Variants in LIPE observed in about 807,000 individuals in gnomAD.
The protein encoded by LIPE is hormone-sensitive lipase.
LIPE carries 66 observed loss-of-function variants against 88.5 expected under a neutral mutation model. The ratio of observed to expected loss-of-function variants is 0.75; its 90% CI spans 0.61 to 0.91. The LOEUF is 0.91. LIPE is among the 40% of genes least tolerant of loss of function. The probability of loss-of-function intolerance (pLI) is 0.00; values close to 1 mark genes in which losing one functional copy is unlikely to be tolerated. For synonymous variants in LIPE, 570 were observed against 617.5 expected (o/e 0.92, Z 1.14); for missense variants, 1,346 against 1,434.7 (o/e 0.94, Z 1.00).
At position 42,427,266 on chromosome 19, in the gene LIPE, G is replaced by T; in HGVS notation, c.-117C>A. The T allele has an allele frequency of 2.1e-6, 3 of 1,440,274 alleles. No individual in the cohort carries two copies. The highest frequency in any genetic ancestry group is 2.7e-6 in the Non-Finnish European group (3 of 1,101,982). 89.2% of individuals were successfully genotyped at this position (1,440,274 alleles called of 1,614,324 possible). A position where few individuals can be genotyped will look rare whatever the true frequency, so the allele number is the denominator to read the frequency against. ...TCCTCATGATGGCACTTCCTCTTGGGTTTCACTCCATCCTAGCATCACTGG... is the reference window on the plus strand; with the variant it reads ...TCCTCATGATGGCACTTCCTCTTGGTTTTCACTCCATCCTAGCATCACTGG... On this transcript the variant is annotated 5_prime_UTR_variant, in exon 1 of 10. Transcript: ENST00000244289.
rs569885117 is a variant in LIPE, at chr19:42,415,865, G to A, written c.884-5023C>T. Among the ~76,000 whole-genome samples the A allele has an allele frequency of 5.1e-4, 77 of 151,320 alleles. 1 individual carries two copies. The highest frequency in any genetic ancestry group is 1.8e-3 in the African/African-American group (75 of 41,264). On this transcript the variant is annotated intron_variant, in intron 1 of 9. Coordinates refer to ENST00000244289, the MANE Select transcript of LIPE (RefSeq NM_005357.4). ...TTGTGGATATGGAGAAAGTCTGAAC[G>A]GTCTGGATAGAAGGTCAAACCAGCC...
intron 1 of LIPE, chr19:42,411,432 G>A (rs2040372468): frequency 5.0e-6 from 3 of 602,846 alleles, no homozygotes; most frequent in Non-Finnish European, 6.2e-6. Context: ...CCAGGAGTCC[G>A]GGTCCCCCAT....
rs1194311142 is a variant in LIPE, at chr19:42,408,180, G to A, written c.1510+52C>T. 1.2e-6 allele frequency: 2 copies of A among 1,613,674 alleles called. No individual in the cohort carries two copies. The highest frequency in any genetic ancestry group is 2.2e-5 in the East Asian group (1 of 44,872). The stretch of plus-strand genomic sequence containing the variant: ...TGGGTCAGGCTGCTTGGGCAGGAGT[G>A]GGGAGGAGGGCCAAGAGAGTAGGCT... On this transcript the variant is annotated intron_variant, in intron 3 of 9. Coordinates refer to ENST00000244289, the MANE Select transcript of LIPE (RefSeq NM_005357.4). The surrounding 1 kb of genome is among the most constrained non-coding windows in gnomAD (Gnocchi z 4.3).
chr19:42,412,744 A>C (rs1019078542), intron 1 of LIPE, among the ~76,000 whole-genome samples: 1 of 151,730 alleles, frequency 6.6e-6, no homozygotes, highest in African/African-American at 2.4e-5. Context: ...GTCCCCTCTC[A>C]CCCAGCCAGG....
rs1800537 is a variant in LIPE at position 42,401,953 on chromosome 19, C to T, written c.3090G>A (p.Ala1030=). 3.9e-6 allele frequency: 6 copies of T among 1,557,756 alleles called. No homozygotes were observed. The East Asian group carries it at 9.5e-5, about 25-fold the overall frequency. The change falls in exon 10 of 10, where the codon GCG becomes GCA. Residue 1030 remains alanine (A), a synonymous_variant. Coordinates refer to ENST00000244289, the MANE Select transcript of LIPE (RefSeq NM_005357.4). ...EDLPHGFLTL[A]ALCRETRQAA... ...CCTGGCGCGTCTCGCGGCACAGCGCCGCTAGGGTCAGGAAGCCGTGCGGCA... is the reference window on the plus strand; with the variant it reads ...CCTGGCGCGTCTCGCGGCACAGCGCTGCTAGGGTCAGGAAGCCGTGCGGCA...
In LIPE at chr19:42,407,984, C is replaced by A; in HGVS notation, c.1648G>T (p.Val550Leu). Residue 550 changes from valine to leucine, a missense_variant, in exon 4 of 10, where the codon GTG becomes TTG. Val to Leu is a conservative substitution (Grantham distance 32). Transcript: ENST00000244289. The surrounding 1 kb of genome is among the most constrained non-coding windows in gnomAD (Gnocchi z 5.8). ...CTGCAACAGGCCCTCACCGATAGCA[C>A]TTCCATCTCGGTGATGTTCCAGAAG... ...KAFWNITEME[V>L]LSSLANMASA... 6.2e-7 allele frequency: 1 copy of A among 1,613,200 alleles called. No homozygotes were observed. Among genetic ancestry groups the A allele is most frequent in the Non-Finnish European group, 8.5e-7 (1 of 1,179,766 alleles).
chr19:42,407,398 T>C lies in LIPE; in HGVS notation c.1913A>G (p.Gln638Arg). The C allele has an allele frequency of 6.2e-7, 1 of 1,613,618 alleles. No homozygotes were observed. Among genetic ancestry groups the C allele is most frequent in the Non-Finnish European group, 8.5e-7 (1 of 1,179,828 alleles). The change falls in exon 6 of 10, where the codon CAG becomes CGG. Residue 638 changes from glutamine (Q) to arginine (R), a missense_variant. Gln to Arg is a conservative substitution (Grantham distance 43). Transcript: ENST00000244289. This position sits in a 1 kb window ranked among gnomAD's most constrained non-coding sequence, Gnocchi z 5.8. ...QRSLELWPRP[Q>R]QAPRSRSLIV... ...CAGGGACCGCGAGCGGGGTGCCTGC[T>C]GGGGGCGCGGCCACAGCTCCAGGCT...
intron 1 of LIPE, among the ~76,000 whole-genome samples, chr19:42,413,066 C>CAG (rs977737769): frequency 3.3e-5 from 5 of 152,208 alleles, no homozygotes; most frequent in Non-Finnish European, 7.3e-5. Flanking sequence ...AACAGAGGCT[C>CAG]AGAGAGAGAG....
rs1001535603 is a variant in LIPE, at chr19:42,407,347, A to G, written c.1964T>C (p.Phe655Ser). 7.4e-6 allele frequency: 12 copies of G among 1,612,920 alleles called. No homozygotes were observed. In the East Asian group the frequency reaches 2.2e-4, roughly 30 times the overall value. Residue 655 changes from phenylalanine (F) to serine (S), a missense_variant, in exon 6 of 10, where the codon TTT (phenylalanine) becomes TCT (serine). Transcript: ENST00000244289. This position sits in a 1 kb window ranked among gnomAD's most constrained non-coding sequence, Gnocchi z 5.8. ...GTGGGATCTGGAGGTCTGGGCCACA[A>G]AGCCACCGCCGTGGAAGTGCACTAT... Reference protein sequence around the residue: ...SLIVHFHGGGFVAQTSRSHEP... With the variant: ...SLIVHFHGGGSVAQTSRSHEP...
intron 1 of LIPE, among the ~76,000 whole-genome samples, chr19:42,421,435 G>A (rs2040596351): frequency 2.0e-5 from 3 of 152,152 alleles, no homozygotes; most frequent in South Asian, 4.1e-4. Flanking sequence ...GTTTTTCTCT[G>A]TTGTATTTAT....
intron 1 of LIPE, among the ~76,000 whole-genome samples, chr19:42,425,731 G>C (rs181255261): frequency 6.6e-6 from 1 of 152,152 alleles, no homozygotes; most frequent in African/African-American, 2.4e-5. Context: ...GATCGCTTGA[G>C]CCCAGGAGTT....
chr19:42,416,567 CCTT>C (rs2040491932), intron 1 of LIPE, among the ~76,000 whole-genome samples: 1 of 152,166 alleles, frequency 6.6e-6, no homozygotes, highest in Admixed American at 6.5e-5. Context: ...AGGCTGACCC[CCTT>C]GTTAGGGGCT....
rs2040167760 is a variant in LIPE at position 42,406,005 on chromosome 19, CA to C, written c.2365+155del. 6.8e-6 allele frequency among the ~76,000 whole-genome samples: 1 copy of C among 148,088 alleles called. No homozygotes were observed. Among genetic ancestry groups the C allele is most frequent in the African/African-American group, 2.7e-5 (1 of 37,602 alleles). On this transcript the variant is annotated intron_variant, in intron 7 of 9. Transcript: ENST00000244289. This position sits in a 1 kb window ranked among gnomAD's most constrained non-coding sequence, Gnocchi z 5.7. ...ACACACACACACACACACACACACACACACACACACACACGAAAAAAAAGGG... is the reference window on the plus strand; with the variant it reads ...ACACACACACACACACACACACACACCACACACACACACGAAAAAAAAGGG...
intron 1 of LIPE, among the ~76,000 whole-genome samples, chr19:42,418,172 G>A (rs868588856): frequency 1.5e-4 from 23 of 152,156 alleles, no homozygotes; most frequent in African/African-American, 2.2e-4. Context: ...TAGTAGAGAC[G>A]GGGTTTTACC....
intron 2 of LIPE, among the ~76,000 whole-genome samples, chr19:42,409,201 C>T (rs974611731): frequency 6.6e-6 from 1 of 151,788 alleles, no homozygotes; most frequent in Admixed American, 6.6e-5. Flanking sequence ...TAGGACCAGC[C>T]AGCCACCACG....
chr19:42,402,558 G>A (rs1382104018), intron 9 of LIPE, 49 bp downstream of exon 9: 3 of 1,412,514 alleles, frequency 2.1e-6, no homozygotes, highest in Non-Finnish European at 2.8e-6. Context: ...CTCCCCGGGT[G>A]CCCTGCTCTT....
At chr19:42,409,756 G>C (rs1304490975) in intron 2 of LIPE, among the ~76,000 whole-genome samples, 1 of 152,222 alleles carries the variant, frequency 6.6e-6, no homozygotes, top group Non-Finnish European at 1.5e-5. Context: ...CTGGGACACA[G>C]GGAGGAGCTG....
rs767130934 is a variant in LIPE, at chr19:42,407,384, A to G, written c.1927T>C (p.Ser643Pro). 8.1e-6 allele frequency: 13 copies of G among 1,613,550 alleles called. 1 individual carries two copies. The highest frequency in any genetic ancestry group is 1.1e-5 in the Non-Finnish European group (13 of 1,179,816). ...LWPRPQQAPR[S>P]RSLIVHFHGG... ...TGGAAGTGCACTATCAGGGACCGCG[A>G]GCGGGGTGCCTGCTGGGGGCGCGGC... Residue 643 changes from serine to proline, a missense_variant, in exon 6 of 10, where the codon TCG becomes CCG. Ser to Pro is a moderately conservative substitution (Grantham distance 74). Coordinates refer to ENST00000244289, the MANE Select transcript of LIPE (RefSeq NM_005357.4). The surrounding 1 kb of genome is among the most constrained non-coding windows in gnomAD (Gnocchi z 5.8).
At position 42,402,889 on chromosome 19, in the gene LIPE, C is replaced by T. The variant is rs546397416; in HGVS notation, c.2685G>A (p.Ser895=). Residue 895 remains serine (S), a synonymous_variant, in exon 9 of 10, where the codon TCG becomes TCA. Coordinates refer to ENST00000244289, the MANE Select transcript of LIPE (RefSeq NM_005357.4). ...AGGGGCTAAGTGTCTCAGCTGACAG[C>T]GACATCTCGGGGGTGTCCGACGACG... is the stretch of plus-strand genomic sequence containing the variant. ...SETSSDTPEM[S]LSAETLSPST... 3.7e-6 allele frequency: 6 copies of T among 1,613,502 alleles called. No individual in the cohort carries two copies. The highest frequency in any genetic ancestry group is 2.7e-5 in the African/African-American group (2 of 74,986).
Sources: gnomAD v4.1 joint callset for allele counts (sites outside exome capture counted in the v4.1 genomes callset) on GRCh38, gnomAD v4.1.1 for gene constraint, Gnocchi (gnomAD v3.1) non-coding constraint, MANE v1.5 for transcripts, NCBI Gene and HGNC (gene_info 2026-07-23, HGNC 2026-07-21) for gene names.